PMFBP1: variants seen among roughly 807,000 people sequenced by gnomAD.
PMFBP1 encodes polyamine-modulated factor 1-binding protein 1.
In PMFBP1, 131 loss-of-function variants were observed where a neutral mutation model predicts 137.8. The ratio of observed to expected loss-of-function variants is 0.95; its 90% CI spans 0.82 to 1.10. The LOEUF (loss-of-function observed/expected upper bound fraction) is 1.10, where lower values mean the gene tolerates loss of function less well. Ranked by LOEUF, PMFBP1 falls within the 50% of genes least tolerant of loss-of-function variation. The pLI is 0.00. For synonymous variants in PMFBP1, 490 were observed against 450.4 expected, an observed-to-expected ratio of 1.09 and a Z score of -1.11; for missense variants, 1,199 against 1,175.4, an observed-to-expected ratio of 1.02 and a Z score of -0.29.
the PMFBP1 span, among the ~76,000 whole-genome samples, chr16:72,228,837 C>T: frequency 5.2e-5 from 7 of 135,654 alleles, no homozygotes; most frequent in Non-Finnish European, 9.5e-5. Flanking sequence ...TTATATATTA[C>T]TTTTTTTTTT....
chr16:72,224,521 C>G, the PMFBP1 span: 1 of 152,388 alleles, frequency 6.6e-6, no homozygotes, highest in South Asian at 2.1e-4. Flanking sequence ...TTGATTCTTG[C>G]CCAACCCAAC....
chr16:72,157,253 G>C (rs554045904), intron 3 of PMFBP1, among the ~76,000 whole-genome samples: 3 of 151,604 alleles, frequency 2.0e-5, no homozygotes, highest in Non-Finnish European at 4.4e-5. Context: ...ATCTAATATG[G>C]GGAGAGCGAA....
chr16:72,166,835 G>A (rs938033290), intron 2 of PMFBP1, among the ~76,000 whole-genome samples: 1 of 152,182 alleles, frequency 6.6e-6, no homozygotes, highest in Non-Finnish European at 1.5e-5. Flanking sequence ...GCCCCTGTAG[G>A]CAAAGTGACT....
At chr16:72,202,151 A>C in the PMFBP1 span, among the ~76,000 whole-genome samples, 2 of 152,184 alleles carry the variant, frequency 1.3e-5, no homozygotes, top group African/African-American at 4.8e-5. Context: ...TGAGTGAATG[A>C]GTCGACTTGG....
At chr16:72,236,065 C>A in the PMFBP1 span, among the ~76,000 whole-genome samples, 1 of 152,012 alleles carries the variant, frequency 6.6e-6, no homozygotes, top group African/African-American at 2.4e-5. Flanking sequence ...TTCTCTTGTT[C>A]CTGATCTTAG....
intron 3 of PMFBP1, 86 bp from the exon 4 acceptor site, chr16:72,154,545 G>T (rs777780377): frequency 1.4e-6 from 2 of 1,409,154 alleles, no homozygotes; most frequent in Non-Finnish European, 1.9e-6. Flanking sequence ...CATTTGTTCA[G>T]TCATTCACAT....
the PMFBP1 span, among the ~76,000 whole-genome samples, chr16:72,228,614 T>C: frequency 1.3e-5 from 2 of 152,152 alleles, no homozygotes; most frequent in African/African-American, 2.4e-5. Context: ...GTCCCCAGCA[T>C]AACGTCTGGT....
chr16:72,131,515 C>T (rs2042548909), intron 10 of PMFBP1, among the ~76,000 whole-genome samples: 1 of 152,144 alleles, frequency 6.6e-6, no homozygotes, highest in South Asian at 2.1e-4. Flanking sequence ...GAGGGGAAGG[C>T]AGCTACAAAG....
chr16:72,139,166 G>A (rs2042677633), intron 7 of PMFBP1, 123 bp downstream of exon 7: 2 of 726,856 alleles, frequency 2.8e-6, no homozygotes, highest in Admixed American at 2.8e-5. Context: ...GGCCAACCAA[G>A]CTCACACAGA....
the PMFBP1 span, among the ~76,000 whole-genome samples, chr16:72,216,488 CTG>C: frequency 2.6e-5 from 4 of 152,166 alleles, no homozygotes; most frequent in Non-Finnish European, 5.9e-5. Flanking sequence ...AGCAGTAAAA[CTG>C]TCACCTGTGG....
chr16:72,150,524 A>T, intron 5 of PMFBP1, 84 bp downstream of exon 5: 1 of 1,354,254 alleles, frequency 7.4e-7, no homozygotes. Context: ...TTGGGTTTCC[A>T]GTGGAGGAGG....
upstream of PMFBP1, among the ~76,000 whole-genome samples, chr16:72,174,570 T>C (rs1198745053): frequency 1.3e-5 from 2 of 152,202 alleles, no homozygotes; most frequent in Non-Finnish European, 2.9e-5. Flanking sequence ...TGTTCTCACA[T>C]TGTTATATGG....
chr16:72,138,674 C>T (rs925741321), intron 7 of PMFBP1, among the ~76,000 whole-genome samples: 1 of 152,050 alleles, frequency 6.6e-6, no homozygotes, highest in Non-Finnish European at 1.5e-5. Context: ...CACCACCACA[C>T]CTGGCTAATT....
intron 17 of PMFBP1, 75 bp downstream of exon 17, chr16:72,124,692 G>A: frequency 6.5e-7 from 1 of 1,534,100 alleles, no homozygotes; most frequent in South Asian, 1.2e-5. Flanking sequence ...ACCAAGGGCT[G>A]TCTGGCATTT....
upstream of PMFBP1, among the ~76,000 whole-genome samples, chr16:72,175,351 C>A (rs1232014090): frequency 6.6e-6 from 1 of 152,214 alleles, no homozygotes; most frequent in Non-Finnish European, 1.5e-5. Flanking sequence ...AACAAGTTCT[C>A]TGAAATGCAG....
At chr16:72,184,003 T>C in the PMFBP1 span, among the ~76,000 whole-genome samples, 4 of 152,214 alleles carry the variant, frequency 2.6e-5, no homozygotes, top group Admixed American at 2.0e-4. Flanking sequence ...CATCAGTGGC[T>C]ACCTCTAGAA....
chr16:72,130,829 T>A, intron 10 of PMFBP1, 107 bp from the exon 11 acceptor site: 1 of 1,002,598 alleles, frequency 1.0e-6, no homozygotes. Flanking sequence ...CCTACTTCAG[T>A]TCCCAGTCTG....
At chr16:72,237,359 A>G in the PMFBP1 span, among the ~76,000 whole-genome samples, 1 of 152,116 alleles carries the variant, frequency 6.6e-6, no homozygotes, top group African/African-American at 2.4e-5. Context: ...AGGCACTGAA[A>G]AAAATGCTTT....
At chr16:72,165,246 G>A (rs987414408) in intron 2 of PMFBP1, among the ~76,000 whole-genome samples, 1 of 152,054 alleles carries the variant, frequency 6.6e-6, no homozygotes, top group Non-Finnish European at 1.5e-5. Context: ...AAATATTAAT[G>A]GCTCTGCCAC....
Sources: gnomAD v4.1 joint callset for allele counts (sites outside exome capture counted in the v4.1 genomes callset) on GRCh38, gnomAD v4.1.1 for gene constraint, MANE v1.5 for transcripts, NCBI Gene and HGNC (gene_info 2026-07-23, HGNC 2026-07-21) for gene names.